Variants in TTN observed in about 807,000 individuals in gnomAD.
The protein encoded by TTN is connectin.
Under a neutral mutation model 3,223.0 loss-of-function variants are expected in TTN, and 1,525 were observed. That is an observed-to-expected ratio of 0.47 (90% CI 0.45 to 0.49). TTN has a LOEUF of 0.49. Among genes scored for constraint, TTN ranks in the 20% least tolerant of loss-of-function variants. The probability of loss-of-function intolerance (pLI) is 0.00; values close to 1 mark genes in which losing one functional copy is unlikely to be tolerated. For synonymous variants in TTN, 14,094 were observed against 15,161.0 expected (o/e 0.93, Z 5.17); for missense variants, 40,786 against 43,424.0 (o/e 0.94, Z 5.40).
intron 99 of TTN, among the ~76,000 whole-genome samples, 199 bp downstream of exon 99, chr2:178,709,367 C>A (rs1461781505): frequency 2.0e-5 from 3 of 152,164 alleles, no homozygotes; most frequent in African/African-American, 7.2e-5. Context: ...TTAAATGACA[C>A]CTCCTTCGGG....
chr2:178,594,368 G>A lies in TTN; in HGVS notation c.58126C>T (p.Pro19376Ser). 3.1e-6 allele frequency: 5 copies of A among 1,596,528 alleles called. No individual in the cohort carries two copies. The highest frequency in any genetic ancestry group is 2.6e-6 in the Non-Finnish European group (3 of 1,171,670). The change falls in exon 296 of 363, where the codon CCA becomes TCA. Residue 19376 changes from proline (P) to serine (S), a missense_variant. Transcript: ENST00000589042. ...GQGKPSFCTK[P>S]ITCKDELAPP... ...CCCAGCTCATCCTTGCAAGTAATTG[G>A]TTTGGTGCAAAATGATGGTTTGCCT...
In TTN at chr2:178,688,715, A is replaced by G. The variant is rs565601939; in HGVS notation, c.32159T>C (p.Phe10720Ser). The G allele has an allele frequency of 1.9e-6, 3 of 1,613,862 alleles. No homozygotes were observed. Among genetic ancestry groups the G allele is most frequent in the East Asian group, 4.5e-5 (2 of 44,874 alleles). Reference protein sequence around the residue: ...KRFVAEEKLSFAVPQRVEVTR... With the variant: ...KRFVAEEKLSSAVPQRVEVTR... ...GACTTCCACTCTTTGAGGAACTGCG[A>G]AGGATAGTTTTTCTTCAGCAACAAA... The change falls in exon 126 of 363, where the codon TTC becomes TCC. Residue 10720 changes from phenylalanine to serine, a missense_variant. Transcript: ENST00000589042.
At chr2:178,713,662 A>G (rs1476478048) in intron 92 of TTN, 2 of 713,986 alleles carry the variant, frequency 2.8e-6, no homozygotes, top group Non-Finnish European at 4.4e-6. Context: ...AACCTTATCC[A>G]GGGACTATTT....
chr2:178,725,467 G>A lies in TTN; in HGVS notation c.20737C>T (p.Gln6913Ter). 2 of 1,613,166 alleles carry A rather than the reference G, an allele frequency of 1.2e-6. No individual in the cohort carries two copies. The highest frequency in any genetic ancestry group is 1.7e-6 in the Non-Finnish European group (2 of 1,179,468). ...TTAGCTGGCTCTGCTTTTGCAAACT[G>A]TAGAGTTGCAACATTTTCCACAAAT... is the stretch of plus-strand genomic sequence containing the variant. Reference protein sequence around the residue: ...ITFVENVATLQFAKAEPANAG... With the variant: ...ITFVENVATL Residue 6913 changes from glutamine to a stop codon, truncating the protein, a stop_gained, in exon 71 of 363, where the codon CAG becomes TAG. Transcript: ENST00000589042. LOFTEE classifies it high-confidence loss of function.
rs553548392 is a variant in TTN, at chr2:178,724,062, T to C, written c.21197A>G (p.Lys7066Arg). 100 of 1,613,490 alleles carry C rather than the reference T, an allele frequency of 6.2e-5. No homozygotes were observed. The Admixed American group carries it at 1.6e-3, about 26-fold the overall frequency. The change falls in exon 73 of 363, where the codon AAA (lysine) becomes AGA (arginine). Residue 7066 changes from lysine (K) to arginine (R), a missense_variant. Transcript: ENST00000589042. The part of the protein sequence containing the change: ...VLGASCILEC[K>R]VAGSSPISVA... ...TGAAATAGGTGATGATCCAGCTACTTTGCATTCCAAGATGCAAGAAGCACC... is the reference window on the plus strand; with the variant it reads ...TGAAATAGGTGATGATCCAGCTACTCTGCATTCCAAGATGCAAGAAGCACC...
At chr2:178,701,260 A>G (rs1218401110) in intron 110 of TTN, 57 bp from the exon 111 acceptor site, 2 of 1,488,330 alleles carry the variant, frequency 1.3e-6, no homozygotes, top group Admixed American at 1.9e-5. Flanking sequence ...TGCGTAAAAT[A>G]TAATGAAAAG....
rs755351036 is a variant in TTN, at chr2:178,544,507, CTG to C, written c.95723-3_95723-2del. The C allele has an allele frequency of 4.4e-6, 7 of 1,583,252 alleles. No homozygotes were observed. In the South Asian group the frequency reaches 7.9e-5, roughly 18 times the overall value. ...GGAGCAGAAGGTGGTCCAGGGGTAT[CTG>C]TGGAATTTAAAAAGTGAGATGCAGA... is the stretch of plus-strand genomic sequence containing the variant. On this transcript the variant is annotated splice_acceptor_variant and splice_polypyrimidine_tract_variant and intron_variant, in intron 344 of 362. Coordinates refer to ENST00000589042, the MANE Select transcript of TTN (RefSeq NM_001267550.2). LOFTEE classifies it high-confidence loss of function.
intron 100 of TTN, 50 bp from the exon 101 acceptor site, chr2:178,707,004 A>G: frequency 6.7e-7 from 1 of 1,485,846 alleles, no homozygotes; most frequent in Non-Finnish European, 9.2e-7. Flanking sequence ...CAGAATTACA[A>G]TACATATCCC....
intron 261 of TTN, 28 bp downstream of exon 261, chr2:178,614,438 C>T (rs771035588): frequency 1.3e-6 from 2 of 1,583,790 alleles, no homozygotes; most frequent in South Asian, 2.3e-5. Context: ...AAGAGTTTAT[C>T]CCCTTTTAAA....
At position 178,717,329 on chromosome 2, in the gene TTN, G is replaced by A; in HGVS notation, c.25405C>T (p.Leu8469Phe). ...DLKPVSVDLA[L>F]GESGTFKCHV... The stretch of plus-strand genomic sequence containing the variant: ...CATTTAAAAGTACCACTTTCTCCAA[G>A]AGCAAGATCTACTGATACAGGCTTT... Residue 8469 changes from leucine (L) to phenylalanine (F), a missense_variant, in exon 88 of 363, where the codon CTT becomes TTT. By Grantham distance (22) the Leu-to-Phe change is conservative. Transcript: ENST00000589042. The A allele has an allele frequency of 1.2e-6, 2 of 1,613,524 alleles. No individual in the cohort carries two copies. The highest frequency in any genetic ancestry group is 1.7e-6 in the Non-Finnish European group (2 of 1,179,548).
chr2:178,664,440 A>G lies in TTN; in HGVS notation c.36280+20T>C. The stretch of plus-strand genomic sequence containing the variant: ...CGCCCCACCCACTATCCCACCATAA[A>G]AAGACAGTTAAGAATGTACCTTTGA... On this transcript the variant is annotated intron_variant, in intron 168 of 362. Coordinates refer to ENST00000589042, the MANE Select transcript of TTN (RefSeq NM_001267550.2). 6.3e-7 allele frequency: 1 copy of G among 1,587,000 alleles called. No individual in the cohort carries two copies. Among genetic ancestry groups the G allele is most frequent in the Non-Finnish European group, 8.6e-7 (1 of 1,166,304 alleles).
intron 29 of TTN, 162 bp downstream of exon 29, chr2:178,774,759 C>T: frequency 1.1e-6 from 1 of 898,430 alleles, no homozygotes; most frequent in Non-Finnish European, 1.6e-6. Flanking sequence ...AAATTGTTAA[C>T]ATTCTTAATT....
rs1378053646 is a variant in TTN, at chr2:178,526,285, C to T, written c.*727G>A. ...CCTCCAAGAGTTGGCACTGCTCTGG[C>T]ATAGGAATACTTGAATAGCTTGGTT... is the stretch of plus-strand genomic sequence containing the variant. On this transcript the variant is annotated 3_prime_UTR_variant, in exon 363 of 363. Transcript: ENST00000589042. The T allele has an allele frequency of 6.6e-6, 1 of 152,590 alleles. No individual in the cohort carries two copies. The highest frequency in any genetic ancestry group is 1.9e-4 in the East Asian group (1 of 5,192). The allele number at this position is 152,590 out of a possible 1,614,324, so 9.5% of individuals were successfully genotyped here.
At position 178,581,916 on chromosome 2, in the gene TTN, C is replaced by G; in HGVS notation, c.66453G>C (p.Arg22151=). Residue 22151 remains arginine, a synonymous_variant, in exon 315 of 363, where the codon CGG becomes CGC. Coordinates refer to ENST00000589042, the MANE Select transcript of TTN (RefSeq NM_001267550.2). ...PSDASKAAYA[R]DPQYPPGPPA... Reference sequence around the variant, plus strand: ...TTCATGAACACTTACACTGAGGGTCCCGAGCATAAGCGGCCTTGGATGCGT... The same window carrying G: ...TTCATGAACACTTACACTGAGGGTCGCGAGCATAAGCGGCCTTGGATGCGT... 6.2e-7 allele frequency: 1 copy of G among 1,613,056 alleles called. No individual in the cohort carries two copies. The highest frequency in any genetic ancestry group is 8.5e-7 in the Non-Finnish European group (1 of 1,179,416).
In TTN at chr2:178,616,866, C is replaced by T. The variant is rs771224957; in HGVS notation, c.48023G>A (p.Arg16008Gln). ...FGDKVLETGD[R>Q]VKMKTLSAYA... is the part of the protein sequence containing the mutation. ...GGCAGACAAGGTCTTCATTTTCACC[C>T]GGTCCCCTGTTTCTAGTACTTTATC... Residue 16008 changes from arginine to glutamine, a missense_variant, in exon 256 of 363, where the codon CGG (arginine) becomes CAG (glutamine). Physicochemically the swap from Arg to Gln is conservative, Grantham distance 43. Transcript: ENST00000589042. 2.5e-5 allele frequency: 40 copies of T among 1,612,514 alleles called. No homozygotes were observed. Among genetic ancestry groups the T allele is most frequent in the Admixed American group, 1.3e-4 (8 of 59,884 alleles).
chr2:178,651,777 A>G, intron 205 of TTN, 28 bp from the exon 206 acceptor site: 1 of 1,610,444 alleles, frequency 6.2e-7, no homozygotes, highest in Non-Finnish European at 8.5e-7. Context: ...ATGTTTTAGA[A>G]AGAACGAAGA....
At position 178,552,894 on chromosome 2, in the gene TTN, T is replaced by C; in HGVS notation, c.90006A>G (p.Pro30002=). The C allele has an allele frequency of 6.2e-7, 1 of 1,613,866 alleles. No homozygotes were observed. The highest frequency in any genetic ancestry group is 8.5e-7 in the Non-Finnish European group (1 of 1,179,820). ...TTTCTGCAAGAACTCTGAAGAAGAA[T>C]GGAGTCTTCTCCGACAAATCTATTA... is the stretch of plus-strand genomic sequence containing the variant. ...FKLIDLSEKT[P]FFFRVLAENE... Residue 30002 remains proline, a synonymous_variant, in exon 335 of 363, where the codon CCA becomes CCG. Transcript: ENST00000589042.
chr2:178,571,962 T>C lies in TTN; in HGVS notation c.74170A>G (p.Thr24724Ala). 1 of 1,613,296 alleles carries C rather than the reference T, an allele frequency of 6.2e-7. No individual in the cohort carries two copies. Among genetic ancestry groups the C allele is most frequent in the Non-Finnish European group, 8.5e-7 (1 of 1,179,594 alleles). ...TCTTCACCTGCCAGTACAGTGAAAG[T>C]ATTGAACAGGAGTTTGAAGGCTGGT... The part of the protein sequence containing the change: ...IPPAFKLLFN[T>A]FTVLAGEDLK... The change falls in exon 326 of 363, where the codon ACT (threonine) becomes GCT (alanine). Residue 24724 changes from threonine to alanine, a missense_variant. Transcript: ENST00000589042.
Position 178,789,506 on chromosome 2 carries a change from T to C in TTN, c.1939-9A>G, listed in dbSNP as rs2154353377. ...TCGGCTTCCTTTCTCATCTGATTAT[T>C]ACAGTAAAATCAAGATTTAAGTTGA... On this transcript the variant is annotated splice_polypyrimidine_tract_variant and intron_variant, in intron 12 of 362. Coordinates refer to ENST00000589042, the MANE Select transcript of TTN (RefSeq NM_001267550.2). 1.2e-6 allele frequency: 2 copies of C among 1,613,036 alleles called. No individual in the cohort carries two copies. The highest frequency in any genetic ancestry group is 1.7e-6 in the Non-Finnish European group (2 of 1,179,336).
Sources: gnomAD v4.1 joint callset for allele counts (sites outside exome capture counted in the v4.1 genomes callset) on GRCh38, gnomAD v4.1.1 for gene constraint, MANE v1.5 for transcripts, NCBI Gene and HGNC (gene_info 2026-07-23, HGNC 2026-07-21) for gene names.